SGCZ: variants seen among roughly 807,000 people sequenced by gnomAD.
SGCZ encodes zeta-sarcoglycan.
SGCZ carries 40 observed loss-of-function variants against 41.3 expected under a neutral mutation model. That is an observed-to-expected ratio of 0.97 (90% CI 0.75 to 1.26). The LOEUF (loss-of-function observed/expected upper bound fraction) is 1.26. Among genes scored for constraint, SGCZ ranks in the 50% most tolerant of loss-of-function variants. SGCZ has a pLI of 0.00. For missense variants in SGCZ, 552 were observed against 369.8 expected, an observed-to-expected ratio of 1.49 and a Z score of -4.04; for synonymous variants, 206 against 137.5, an observed-to-expected ratio of 1.50 and a Z score of -3.49.
chr8:14,174,497 T>C (rs1407206471), intron 4 of SGCZ, among the ~76,000 whole-genome samples: 1 of 151,998 alleles, frequency 6.6e-6, no homozygotes, highest in Non-Finnish European at 1.5e-5. Flanking sequence ...CACAAATTCA[T>C]AATGAAATAA....
chr8:14,454,886 G>T (rs1454928053), intron 2 of SGCZ, among the ~76,000 whole-genome samples: 4 of 152,138 alleles, frequency 2.6e-5, no homozygotes, highest in African/African-American at 9.7e-5. Context: ...ACTCCAAATG[G>T]ATTAGGCATA....
intron 4 of SGCZ, among the ~76,000 whole-genome samples, chr8:14,192,724 A>G (rs1359847723): frequency 2.0e-5 from 3 of 152,072 alleles, no homozygotes; most frequent in East Asian, 3.8e-4. Context: ...TATATTATTA[A>G]GCTATTGTTA....
intron 4 of SGCZ, among the ~76,000 whole-genome samples, chr8:14,168,891 G>A (rs1487636780): frequency 6.6e-6 from 1 of 152,082 alleles, no homozygotes; most frequent in African/African-American, 2.4e-5. Context: ...CTATATGCTA[G>A]GCAGCAATGG....
At chr8:14,787,622 G>A (rs1015959957) in intron 1 of SGCZ, among the ~76,000 whole-genome samples, 28 of 151,956 alleles carry the variant, frequency 1.8e-4, no homozygotes, top group Non-Finnish European at 2.6e-4. Context: ...CAAAGTGGGC[G>A]GATCACCTGA....
chr8:14,294,879 A>C (rs1800959762), intron 3 of SGCZ, among the ~76,000 whole-genome samples: 1 of 152,146 alleles, frequency 6.6e-6, no homozygotes, highest in African/African-American at 2.4e-5. Context: ...GCCCTTTTAA[A>C]ATGTCAATAA....
intron 1 of SGCZ, among the ~76,000 whole-genome samples, chr8:15,228,398 G>C (rs968197467): frequency 5.3e-5 from 8 of 152,116 alleles, no homozygotes; most frequent in Admixed American, 3.9e-4. Context: ...ATTATTCATG[G>C]AACTATGACT....
In SGCZ at chr8:14,141,581, G is replaced by A. The variant is rs147070723; in HGVS notation, c.547+22999C>T. ...CATGCAAAAAGGCTCATCATCACTG[G>A]CCATCAGAGAAATGCAAATAAAAAC... is the stretch of plus-strand genomic sequence containing the variant. On this transcript the variant is annotated intron_variant, in intron 5 of 7. Coordinates refer to ENST00000382080, the MANE Select transcript of SGCZ (RefSeq NM_139167.4). Among the ~76,000 whole-genome samples, 557 of 152,276 alleles carry A rather than the reference G, an allele frequency of 3.7e-3. 5 individuals carry two copies. Among genetic ancestry groups the A allele is most frequent in the Middle Eastern group, 0.024 (7 of 294 alleles).
intron 1 of SGCZ, among the ~76,000 whole-genome samples, chr8:14,686,676 G>A (rs1017009664): frequency 2.6e-5 from 4 of 152,040 alleles, no homozygotes; most frequent in Admixed American, 6.6e-5. Context: ...TGTTGCAGGG[G>A]CTGAAATTGT....
intron 2 of SGCZ, among the ~76,000 whole-genome samples, chr8:14,384,479 T>C (rs937348081): frequency 1.3e-5 from 2 of 152,198 alleles, no homozygotes; most frequent in African/African-American, 2.4e-5. Flanking sequence ...GATTGAAAGA[T>C]AATTGGTTGT....
intron 1 of SGCZ, among the ~76,000 whole-genome samples, chr8:14,774,718 G>T (rs1434256607): frequency 2.0e-5 from 3 of 152,140 alleles, no homozygotes; most frequent in Non-Finnish European, 4.4e-5. Context: ...CTTGAAATGT[G>T]GTTAATTGAA....
intron 1 of SGCZ, among the ~76,000 whole-genome samples, chr8:15,236,866 G>A (rs1439629996): frequency 6.6e-6 from 1 of 152,060 alleles, no homozygotes; most frequent in Admixed American, 6.5e-5. Flanking sequence ...TGCGGCCGGA[G>A]CCTCCGCAGA....
At chr8:14,923,300 A>G (rs1429500520) in intron 1 of SGCZ, among the ~76,000 whole-genome samples, 1 of 152,216 alleles carries the variant, frequency 6.6e-6, no homozygotes, top group Non-Finnish European at 1.5e-5. Flanking sequence ...ATTTCTAATA[A>G]GATGGAAATT....
chr8:15,202,035 A>G (rs77738956), intron 1 of SGCZ, among the ~76,000 whole-genome samples: 16 of 152,164 alleles, frequency 1.1e-4, no homozygotes, highest in Non-Finnish European at 2.2e-4. Flanking sequence ...TAGAAACTCA[A>G]CCACTCCTGA....
chr8:15,038,545 G>T (rs897707580), intron 1 of SGCZ, among the ~76,000 whole-genome samples: 10 of 151,496 alleles, frequency 6.6e-5, no homozygotes, highest in Non-Finnish European at 1.3e-4. Context: ...ACATTGGTCT[G>T]GTCAATGACT....
intron 1 of SGCZ, among the ~76,000 whole-genome samples, chr8:15,113,308 T>G (rs372291496): frequency 6.6e-6 from 1 of 152,186 alleles, no homozygotes; most frequent in East Asian, 1.9e-4. Context: ...AAGCCCTAAT[T>G]TTACTTCATC....
intron 1 of SGCZ, among the ~76,000 whole-genome samples, chr8:14,563,983 AT>A (rs1457518708): frequency 2.6e-5 from 4 of 152,080 alleles, no homozygotes; most frequent in African/African-American, 9.7e-5. Flanking sequence ...ACAGTAAATT[AT>A]TTGCTCTTCT....
intron 2 of SGCZ, among the ~76,000 whole-genome samples, chr8:14,417,378 G>C (rs1799521839): frequency 6.6e-6 from 1 of 151,764 alleles, no homozygotes; most frequent in South Asian, 2.1e-4. Context: ...TAGGAAAATA[G>C]ACTTATAATT....
chr8:14,861,410 G>A (rs1217479721), intron 1 of SGCZ, among the ~76,000 whole-genome samples: 1 of 152,122 alleles, frequency 6.6e-6, no homozygotes, highest in Non-Finnish European at 1.5e-5. Context: ...CGGTAAGAAT[G>A]CTCTTGTAAG....
intron 1 of SGCZ, among the ~76,000 whole-genome samples, chr8:14,948,199 G>C (rs893198468): frequency 2.0e-5 from 3 of 152,112 alleles, no homozygotes; most frequent in Admixed American, 1.3e-4. Flanking sequence ...GAGTGAAGGA[G>C]GCATATGGAA....
Sources: gnomAD v4.1 joint callset for allele counts (sites outside exome capture counted in the v4.1 genomes callset) on GRCh38, gnomAD v4.1.1 for gene constraint, MANE v1.5 for transcripts, NCBI Gene and HGNC (gene_info 2026-07-23, HGNC 2026-07-21) for gene names.